Variants in ARHGAP6 observed in about 807,000 individuals in gnomAD.
ARHGAP6 encodes Rho GTPase activating protein 6.
A neutral mutation model predicts 55.7 loss-of-function variants in ARHGAP6; 16 were observed. That is an observed-to-expected ratio of 0.29 (90% CI 0.19 to 0.44). The LOEUF is 0.44. Ranked by LOEUF, ARHGAP6 falls within the 20% of genes least tolerant of loss-of-function variation. The pLI is 1.00. For missense variants in ARHGAP6, 698 were observed against 808.9 expected (o/e 0.86, Z 1.66); for synonymous variants, 382 against 360.9 (o/e 1.06, Z -0.66).
chrX:11,171,487 C>CTAAT (rs902739995), intron 8 of ARHGAP6, among the ~76,000 whole-genome samples: 2 of 110,246 alleles, frequency 1.8e-5, no homozygotes, highest in Non-Finnish European at 3.8e-5. Context: ...CCACAGTCAA[C>CTAAT]TAATAGGCAT....
At chrX:11,494,523 A>C (rs1406543368) in intron 1 of ARHGAP6, among the ~76,000 whole-genome samples, 1 of 112,858 alleles carries the variant, frequency 8.9e-6, no homozygotes, top group Non-Finnish European at 1.9e-5. Context: ...CCAAATCAAC[A>C]ACAGCAAATT....
chrX:11,299,786 T>C (rs764111119), intron 1 of ARHGAP6, among the ~76,000 whole-genome samples: 14 of 111,872 alleles, frequency 1.3e-4, no homozygotes, highest in African/African-American at 4.2e-4. Flanking sequence ...GAGGTGGAAA[T>C]GACCAGGATA....
At chrX:11,212,898 A>G (rs1054729077) in intron 2 of ARHGAP6, among the ~76,000 whole-genome samples, 2 of 112,818 alleles carry the variant, frequency 1.8e-5, no homozygotes, top group Admixed American at 9.3e-5. Context: ...GGTTCTTGCA[A>G]GAGCAGCCAG....
At chrX:11,275,604 C>T (rs2047750188) in intron 1 of ARHGAP6, among the ~76,000 whole-genome samples, 2 of 111,678 alleles carry the variant, frequency 1.8e-5, no homozygotes, top group Non-Finnish European at 3.8e-5. Flanking sequence ...AAGCAAAACT[C>T]ATCTTGTCCC....
chrX:11,392,644 A>C (rs2147740393), intron 1 of ARHGAP6, among the ~76,000 whole-genome samples: 1 of 112,024 alleles, frequency 8.9e-6, no homozygotes, highest in African/African-American at 3.2e-5. Context: ...TGAAAAACTC[A>C]TAGGGTGGGG....
intron 1 of ARHGAP6, among the ~76,000 whole-genome samples, chrX:11,572,881 G>C (rs1195557537): frequency 9.0e-4 from 101 of 111,698 alleles, no homozygotes; most frequent in African/African-American, 2.0e-3. Context: ...GATTGCCATT[G>C]TAACTGGTGT....
chrX:11,392,913 G>C (rs979890571), intron 1 of ARHGAP6, among the ~76,000 whole-genome samples: 5 of 111,796 alleles, frequency 4.5e-5, no homozygotes, highest in African/African-American at 9.7e-5. Context: ...TACAAGGCAA[G>C]TCACGTTGGT....
Position 11,143,973 on chromosome X carries a change from C to CAGTT in ARHGAP6, c.2176+3_2176+6dup. 8.2e-7 allele frequency: 1 copy of CAGTT among 1,212,222 alleles called. No individual in the cohort carries two copies. Among genetic ancestry groups the CAGTT allele is most frequent in the South Asian group, 1.8e-5 (1 of 57,009 alleles). On this transcript the variant is annotated splice_region_variant and intron_variant, in intron 11 of 12. Coordinates refer to ENST00000337414, the MANE Select transcript of ARHGAP6 (RefSeq NM_013427.3). ...TGGCCAGCGCCTGCTGGCCAGGCTCCAGTTACCTTTCCCAAGCCTTGGTCC... is the reference window on the plus strand; with the variant it reads ...TGGCCAGCGCCTGCTGGCCAGGCTCCAGTTAGTTACCTTTCCCAAGCCTTGGTCC...
At chrX:11,427,512 G>A (rs2049894854) in intron 1 of ARHGAP6, 2 of 937,125 alleles carry the variant, frequency 2.1e-6, no homozygotes, top group Non-Finnish European at 2.7e-6. Context: ...GCCCAGTGGC[G>A]CCCCCTGTGT....
chrX:11,464,162 A>T (rs1223325052), intron 1 of ARHGAP6, among the ~76,000 whole-genome samples: 1 of 112,416 alleles, frequency 8.9e-6, no homozygotes, highest in Non-Finnish European at 1.9e-5. Context: ...TATAAGAAGC[A>T]TGCCCTCTTT....
chrX:11,384,667 T>A (rs1362999634), intron 1 of ARHGAP6, among the ~76,000 whole-genome samples: 1 of 112,127 alleles, frequency 8.9e-6, no homozygotes, highest in East Asian at 2.8e-4. Flanking sequence ...GTTCTCAACC[T>A]TGGCTACACA....
At chrX:11,454,732 T>C (rs2050179851) in intron 1 of ARHGAP6, among the ~76,000 whole-genome samples, 1 of 112,381 alleles carries the variant, frequency 8.9e-6, no homozygotes, top group South Asian at 3.7e-4. Flanking sequence ...ATGAAACAAA[T>C]GGTTCAACAA....
chrX:11,156,029 TA>T (rs2045858858), intron 10 of ARHGAP6, among the ~76,000 whole-genome samples: 1 of 112,299 alleles, frequency 8.9e-6, no homozygotes, highest in Non-Finnish European at 1.9e-5. Flanking sequence ...ATACTAGCTA[TA>T]AAAAGTGGGA....
At chrX:11,549,859 T>C (rs903397022) in intron 1 of ARHGAP6, among the ~76,000 whole-genome samples, 1 of 112,762 alleles carries the variant, frequency 8.9e-6, no homozygotes, top group African/African-American at 3.2e-5. Flanking sequence ...CTTTGTATTT[T>C]ACGAAGGTAA....
At position 11,162,333 on chromosome X, in the gene ARHGAP6, G is replaced by GCCC. The variant is rs143136866; in HGVS notation, c.1810-5710_1810-5708dup. On this transcript the variant is annotated intron_variant, in intron 9 of 12. Transcript: ENST00000337414. ...AGTGCTACCCAGCTACTGAAACTGT[G>GCCC]CCCCCCCCCCCATATTTACTGTGTC... is the stretch of plus-strand genomic sequence containing the variant. Among the ~76,000 whole-genome samples, 340 of 78,166 alleles carry GCCC rather than the reference G, an allele frequency of 4.3e-3. 9 individuals carry two copies. Among genetic ancestry groups the GCCC allele is most frequent in the Non-Finnish European group, 6.8e-3 (276 of 40,835 alleles). The allele number at this position is 78,166 out of a possible 115,157, so 67.9% of individuals were successfully genotyped here. A position where few individuals can be genotyped will look rare whatever the true frequency, so the allele number is the denominator to read the frequency against.
At chrX:11,470,614 A>C (rs2050338342) in intron 1 of ARHGAP6, among the ~76,000 whole-genome samples, 1 of 112,987 alleles carries the variant, frequency 8.9e-6, no homozygotes, top group African/African-American at 3.2e-5. Context: ...GGCAAGCTGC[A>C]AAGCTTGTGA....
intron 1 of ARHGAP6, among the ~76,000 whole-genome samples, chrX:11,386,834 T>C (rs2049334234): frequency 8.9e-6 from 1 of 111,791 alleles, no homozygotes; most frequent in Non-Finnish European, 1.9e-5. Flanking sequence ...CAAGTGATGG[T>C]GGTAAACATA....
At chrX:11,191,490 CCT>C (rs1400520401) in intron 3 of ARHGAP6, among the ~76,000 whole-genome samples, 2 of 111,816 alleles carry the variant, frequency 1.8e-5, no homozygotes, top group Non-Finnish European at 3.8e-5. Context: ...GTATCTTCAA[CCT>C]CTTTTTTTCT....
chrX:11,574,885 G>A (rs921865893), intron 1 of ARHGAP6, among the ~76,000 whole-genome samples: 1 of 111,586 alleles, frequency 9.0e-6, no homozygotes, highest in African/African-American at 3.3e-5. Flanking sequence ...AAGTCTCAGG[G>A]TAATGAGGTT....
Sources: gnomAD v4.1 joint callset for allele counts (sites outside exome capture counted in the v4.1 genomes callset) on GRCh38, gnomAD v4.1.1 for gene constraint, MANE v1.5 for transcripts, NCBI Gene and HGNC (gene_info 2026-07-23, HGNC 2026-07-21) for gene names.